Variants in STXBP6 observed in about 807,000 individuals in gnomAD.
The protein encoded by STXBP6 is syntaxin binding protein 6, also known as syntaxin-binding protein 6.
A neutral mutation model predicts 26.9 loss-of-function variants in STXBP6; 21 were observed. The observed-to-expected ratio is 0.78, with a 90% confidence interval of 0.55 to 1.12. STXBP6 has a LOEUF of 1.12. STXBP6 is among the 50% of genes most tolerant of loss of function. The probability of loss-of-function intolerance (pLI) is 0.00; values close to 1 mark genes in which losing one functional copy is unlikely to be tolerated. For synonymous variants in STXBP6, 97 were observed against 92.6 expected, an observed-to-expected ratio of 1.05 and a Z score of -0.27; for missense variants, 232 against 257.9, an observed-to-expected ratio of 0.90 and a Z score of 0.69.
intron 1 of STXBP6, among the ~76,000 whole-genome samples, chr14:25,012,813 G>A (rs904046541): frequency 2.6e-5 from 4 of 152,112 alleles, no homozygotes; most frequent in African/African-American, 9.7e-5. Flanking sequence ...AGAACCATTG[G>A]CCTAGCATAC....
At chr14:24,910,527 T>C (rs2071534997) in intron 2 of STXBP6, among the ~76,000 whole-genome samples, 1 of 152,204 alleles carries the variant, frequency 6.6e-6, no homozygotes, top group South Asian at 2.1e-4. Flanking sequence ...TTCTAGTCCC[T>C]TCTGGGACTG....
At chr14:24,838,398 TG>T (rs1417406048) in intron 4 of STXBP6, among the ~76,000 whole-genome samples, 1 of 152,110 alleles carries the variant, frequency 6.6e-6, no homozygotes, top group Non-Finnish European at 1.5e-5. Context: ...TCAAAAAAAA[TG>T]GCCAGGCTGG....
chr14:24,849,272 G>A (rs1475790687), intron 4 of STXBP6, among the ~76,000 whole-genome samples: 1 of 152,066 alleles, frequency 6.6e-6, no homozygotes, highest in Non-Finnish European at 1.5e-5. Flanking sequence ...GCTGCAATGA[G>A]GAGGATGGAG....
At chr14:24,899,137 T>C (rs536925649) in intron 2 of STXBP6, among the ~76,000 whole-genome samples, 1 of 152,266 alleles carries the variant, frequency 6.6e-6, no homozygotes, top group African/African-American at 2.4e-5. Context: ...ATTTTAGGCA[T>C]TATGAGCTAG....
At chr14:24,971,537 C>T (rs1017230112) in intron 2 of STXBP6, among the ~76,000 whole-genome samples, 4 of 152,168 alleles carry the variant, frequency 2.6e-5, no homozygotes, top group Admixed American at 6.5e-5. Flanking sequence ...CATTCCAGGG[C>T]TCAGCTTTCA....
At chr14:25,046,538 C>T (rs2075730127) in intron 1 of STXBP6, among the ~76,000 whole-genome samples, 1 of 151,862 alleles carries the variant, frequency 6.6e-6, no homozygotes, top group Non-Finnish European at 1.5e-5. Flanking sequence ...GCTGGGATCC[C>T]ATTTGGCCTA....
At chr14:25,019,843 T>C (rs899522714) in intron 1 of STXBP6, among the ~76,000 whole-genome samples, 3 of 151,898 alleles carry the variant, frequency 2.0e-5, no homozygotes, top group African/African-American at 4.8e-5. Flanking sequence ...GTTTAGTATC[T>C]TATTATAAAA....
At position 24,811,173 on chromosome 14, in the gene STXBP6, A is replaced by G. The variant is rs2067813147; in HGVS notation, c.*1536T>C. 6.6e-6 allele frequency: 1 copy of G among 152,106 alleles called. No individual in the cohort carries two copies. Among genetic ancestry groups the G allele is most frequent in the Admixed American group, 6.6e-5 (1 of 15,266 alleles). The allele number at this position is 152,106 out of a possible 1,614,324, so 9.4% of individuals were successfully genotyped here. A position where few individuals can be genotyped will look rare whatever the true frequency, so the allele number is the denominator to read the frequency against. On this transcript the variant is annotated 3_prime_UTR_variant, in exon 6 of 6. Coordinates refer to ENST00000323944, the MANE Select transcript of STXBP6 (RefSeq NM_001394410.1). ...TCTCCCTTTTAATGTGCACCATCTG[A>G]TATTTTTACCCCCAGTAGACAAACT...
Position 25,049,911 on chromosome 14 carries a change from T to G in STXBP6, c.-66A>C, listed in dbSNP as rs565810669. On this transcript the variant is annotated 5_prime_UTR_variant, in exon 1 of 6. Transcript: ENST00000323944. The surrounding 1 kb of genome is among the most constrained non-coding windows in gnomAD (Gnocchi z 5.6). ...CTGGCTCGCGCCCCTGCCGTGCCAG[T>G]GCGCGGCACGCGTCCCAGAGCACGA... 1,635 of 974,792 alleles carry G rather than the reference T, an allele frequency of 1.7e-3. 3 individuals carry two copies. Among genetic ancestry groups the G allele is most frequent in the Non-Finnish European group, 1.9e-3 (1,585 of 820,462 alleles). 60.4% of individuals were successfully genotyped at this position (974,792 alleles called of 1,614,324 possible).
At chr14:24,850,044 T>C (rs146630679) in intron 4 of STXBP6, among the ~76,000 whole-genome samples, 15 of 152,088 alleles carry the variant, frequency 9.9e-5, no homozygotes, top group African/African-American at 2.4e-4. Flanking sequence ...TCATGGCAAA[T>C]GTTATAGATT....
Position 24,974,749 on chromosome 14 carries a change from G to C in STXBP6, c.70C>G (p.Gln24Glu), listed in dbSNP as rs1445590311. The change falls in exon 2 of 6, where the codon CAA becomes GAA. Residue 24 changes from glutamine (Q) to glutamate (E), a missense_variant. Coordinates refer to ENST00000323944, the MANE Select transcript of STXBP6 (RefSeq NM_001394410.1). ...PLDERMLGAV[Q>E]VKRRTKKKIP... Reference sequence around the variant, plus strand: ...TTTTTCTTTGTCCTCCTCTTGACTTGGACAGCTCCCAGCATCCTTTCATCA... The same window carrying C: ...TTTTTCTTTGTCCTCCTCTTGACTTCGACAGCTCCCAGCATCCTTTCATCA... The C allele has an allele frequency of 2.5e-6, 4 of 1,602,236 alleles. No individual in the cohort carries two copies. Among genetic ancestry groups the C allele is most frequent in the Non-Finnish European group, 3.4e-6 (4 of 1,173,116 alleles).
intron 1 of STXBP6, among the ~76,000 whole-genome samples, chr14:25,014,087 T>A (rs553301869): frequency 3.3e-5 from 5 of 152,314 alleles, no homozygotes; most frequent in South Asian, 2.1e-4. Context: ...AAGATCTAGA[T>A]GAAACAAGAT....
chr14:24,970,480 T>G (rs2073874513), intron 2 of STXBP6, among the ~76,000 whole-genome samples: 1 of 152,182 alleles, frequency 6.6e-6, no homozygotes, highest in Non-Finnish European at 1.5e-5. Context: ...AATCACATAG[T>G]ATATTGATGC....
intron 2 of STXBP6, among the ~76,000 whole-genome samples, chr14:24,948,759 A>C (rs2140040963): frequency 6.6e-6 from 1 of 152,328 alleles, no homozygotes; most frequent in South Asian, 2.1e-4. Flanking sequence ...TAATAGAGGA[A>C]AATAGAATAT....
At chr14:24,880,463 A>T (rs2070317895) in intron 2 of STXBP6, among the ~76,000 whole-genome samples, 1 of 152,158 alleles carries the variant, frequency 6.6e-6, no homozygotes, top group Non-Finnish European at 1.5e-5. Context: ...GTGCATAGAG[A>T]GGAAGATCCT....
chr14:24,870,309 C>T (rs2069881067), intron 2 of STXBP6, among the ~76,000 whole-genome samples: 1 of 152,138 alleles, frequency 6.6e-6, no homozygotes, highest in Admixed American at 6.6e-5. Flanking sequence ...ATTATAACTT[C>T]TATTGGCCCC....
At chr14:24,987,169 C>T (rs1052342300) in intron 1 of STXBP6, among the ~76,000 whole-genome samples, 1 of 152,202 alleles carries the variant, frequency 6.6e-6, no homozygotes, top group African/African-American at 2.4e-5. Flanking sequence ...CAAAGACATT[C>T]AAACAAATGT....
intron 2 of STXBP6, among the ~76,000 whole-genome samples, chr14:24,886,842 T>C (rs2070607002): frequency 1.3e-5 from 2 of 152,208 alleles, no homozygotes; most frequent in Non-Finnish European, 2.9e-5. Flanking sequence ...CAGATTAAAA[T>C]CCAAGTTTCC....
At chr14:24,955,889 A>C (rs150390621) in intron 2 of STXBP6, among the ~76,000 whole-genome samples, 108 of 152,146 alleles carry the variant, frequency 7.1e-4, no homozygotes, top group African/African-American at 2.6e-3. Context: ...GTTTACAACC[A>C]CTCCAAATAT....
Sources: gnomAD v4.1 joint callset for allele counts (sites outside exome capture counted in the v4.1 genomes callset) on GRCh38, gnomAD v4.1.1 for gene constraint, Gnocchi (gnomAD v3.1) non-coding constraint, MANE v1.5 for transcripts, NCBI Gene and HGNC (gene_info 2026-07-23, HGNC 2026-07-21) for gene names.